Variants in PPEF2 observed in about 807,000 individuals in gnomAD.
PPEF2 encodes serine/threonine-protein phosphatase with EF-hands 2.
In PPEF2, 84 loss-of-function variants were observed where a neutral mutation model predicts 84.7. The ratio of observed to expected loss-of-function variants is 0.99; its 90% CI spans 0.83 to 1.19. The LOEUF (loss-of-function observed/expected upper bound fraction) is 1.19, where lower values mean the gene tolerates loss of function less well. Among genes scored for constraint, PPEF2 ranks in the 50% most tolerant of loss-of-function variants. The probability of loss-of-function intolerance (pLI) is 0.00; values close to 1 mark genes in which losing one functional copy is unlikely to be tolerated. For missense variants in PPEF2, 924 were observed against 937.5 expected (o/e 0.99, Z 0.19); for synonymous variants, 346 against 345.2 (o/e 1.00, Z -0.03).
Position 75,876,380 on chromosome 4 carries a change from C to G in PPEF2, c.1227G>C (p.Val409=). 1 of 1,614,164 alleles carries G rather than the reference C, an allele frequency of 6.2e-7. No individual in the cohort carries two copies. The highest frequency in any genetic ancestry group is 8.5e-7 in the Non-Finnish European group (1 of 1,180,044). Reference sequence around the variant, plus strand: ...GGGAGGGCTCCTCTTTCTCTCCGGTCACCAGGAGGCCTGCTTGCTGCCGGC... The same window carrying G: ...GGGAGGGCTCCTCTTTCTCTCCGGTGACCAGGAGGCCTGCTTGCTGCCGGC... ...ERCRQQAGLL[V]TGEKEEPSRS... is the part of the protein sequence containing the mutation. Residue 409 remains valine (V), a synonymous_variant, in exon 11 of 17, where the codon GTG becomes GTC. Transcript: ENST00000286719.
chr4:75,877,135 C>T lies in PPEF2; in HGVS notation c.934-462G>A, dbSNP rs148528671. 7.4e-3 allele frequency among the ~76,000 whole-genome samples: 1,118 copies of T among 151,810 alleles called. 18 individuals carry two copies. Among genetic ancestry groups the T allele is most frequent in the African/African-American group, 0.025 (1,055 of 41,436 alleles). On this transcript the variant is annotated intron_variant, in intron 10 of 16. Transcript: ENST00000286719. The stretch of plus-strand genomic sequence containing the variant: ...TGATCACCTGCCTGAATTGGGAGTT[C>T]GAGACCAGCCTGACCAACATGGAGA...
chr4:75,868,659 G>A (rs1190524323), intron 13 of PPEF2, among the ~76,000 whole-genome samples: 1 of 151,936 alleles, frequency 6.6e-6, no homozygotes, highest in African/African-American at 2.4e-5. Flanking sequence ...TCATGCCACT[G>A]CACTCCAGCC....
At chr4:75,862,376 C>T (rs1724026951) in intron 16 of PPEF2, among the ~76,000 whole-genome samples, 1 of 149,096 alleles carries the variant, frequency 6.7e-6, no homozygotes, top group Non-Finnish European at 1.5e-5. Flanking sequence ...TCCACAAAAT[C>T]AGAAAAAAAA....
In PPEF2 at chr4:75,896,310, A is replaced by G. The variant is rs904010750; in HGVS notation, c.16T>C (p.Ser6Pro). 1 of 1,614,202 alleles carries G rather than the reference A, an allele frequency of 6.2e-7. No homozygotes were observed. Among genetic ancestry groups the G allele is most frequent in the African/African-American group, 1.3e-5 (1 of 75,046 alleles). MGSGT[S>P]TQHHFAFQNA... is the part of the protein sequence containing the mutation. Reference sequence around the variant, plus strand: ...TGGAAAGCAAAATGATGTTGGGTGGAGGTGCCGCTTCCCATAGTTTAAGCG... The same window carrying G: ...TGGAAAGCAAAATGATGTTGGGTGGGGGTGCCGCTTCCCATAGTTTAAGCG... Residue 6 changes from serine to proline, a missense_variant, in exon 2 of 17, where the codon TCC becomes CCC. Physicochemically the swap from Ser to Pro is moderately conservative, Grantham distance 74. Transcript: ENST00000286719.
Position 75,860,667 on chromosome 4 carries a change from T to A in PPEF2, c.2262A>T (p.Ter754TyrextTer28). The stretch of plus-strand genomic sequence containing the variant: ...TTGGGTGATGAAGACCAGGCTGTTC[T>A]TAGTGTGCACCTGGACTGCTGCAGC... The part of the protein sequence containing the change: ...DSGCSSPGAH[*>Y] The change falls in exon 17 of 17, where the codon TAA becomes TAT. Residue 754 changes from the stop codon to tyrosine, a stop_lost. Coordinates refer to ENST00000286719, the MANE Select transcript of PPEF2 (RefSeq NM_006239.3). 1 of 1,613,912 alleles carries A rather than the reference T, an allele frequency of 6.2e-7. No homozygotes were observed.
intron 15 of PPEF2, among the ~76,000 whole-genome samples, chr4:75,864,779 G>T (rs1157039555): frequency 1.3e-5 from 2 of 152,142 alleles, no homozygotes; most frequent in Non-Finnish European, 2.9e-5. Context: ...TGCCTTGTCT[G>T]AAATGCTTGG....
chr4:75,868,225 A>G (rs1239281958), intron 13 of PPEF2, among the ~76,000 whole-genome samples: 2 of 147,196 alleles, frequency 1.4e-5, no homozygotes, highest in African/African-American at 5.0e-5. Context: ...CTGAGGTGGG[A>G]GGATCACTTG....
chr4:75,892,799 G>C (rs766197570), intron 2 of PPEF2, among the ~76,000 whole-genome samples: 8 of 152,142 alleles, frequency 5.3e-5, no homozygotes, highest in Non-Finnish European at 1.2e-4. Context: ...AAGTATTGTT[G>C]CCAGAGAAGG....
rs768361104 is a variant in PPEF2, at chr4:75,888,344, G to A, written c.418-16C>T. 13 of 1,575,166 alleles carry A rather than the reference G, an allele frequency of 8.3e-6. No homozygotes were observed. Among genetic ancestry groups the A allele is most frequent in the East Asian group, 2.2e-5 (1 of 44,670 alleles). On this transcript the variant is annotated splice_polypyrimidine_tract_variant and intron_variant, in intron 5 of 16. Coordinates refer to ENST00000286719, the MANE Select transcript of PPEF2 (RefSeq NM_006239.3). ...CATGGAGCTGCTACTGGGAGGAAGA[G>A]GAGGGAAGGAAGAAAACAACACTGA...
chr4:75,866,573 A>G (rs1724136818), intron 14 of PPEF2: 4 of 589,882 alleles, frequency 6.8e-6, no homozygotes, highest in South Asian at 1.8e-5. Flanking sequence ...GACAGACAGT[A>G]AAGTATATAA....
intron 13 of PPEF2, among the ~76,000 whole-genome samples, chr4:75,871,442 G>C (rs1211937487): frequency 3.3e-5 from 5 of 151,962 alleles, no homozygotes; most frequent in African/African-American, 1.2e-4. Flanking sequence ...CCAAGACGCA[G>C]CCATGGAGAA....
intron 13 of PPEF2, among the ~76,000 whole-genome samples, chr4:75,870,336 C>A (rs1257818288): frequency 1.3e-5 from 2 of 152,168 alleles, no homozygotes; most frequent in Non-Finnish European, 2.9e-5. Context: ...GTAGGTCTGA[C>A]ATTCACTTGG....
At chr4:75,896,623 T>C (rs1213982708) in intron 1 of PPEF2, among the ~76,000 whole-genome samples, 1 of 152,202 alleles carries the variant, frequency 6.6e-6, no homozygotes, top group Non-Finnish European at 1.5e-5. Context: ...TTTTGCATTC[T>C]CAAAGCAATT....
At chr4:75,873,793 A>T (rs1724342606) in intron 11 of PPEF2, among the ~76,000 whole-genome samples, 1 of 151,720 alleles carries the variant, frequency 6.6e-6, no homozygotes, top group African/African-American at 2.4e-5. Context: ...GTAGTTTAAG[A>T]ATTTTTTTTT....
chr4:75,872,186 G>C lies in PPEF2; in HGVS notation c.1507-19C>G, dbSNP rs373861132. On this transcript the variant is annotated intron_variant, in intron 12 of 16. Transcript: ENST00000286719. ...TTAATACCTACATCAAAACAGAAGA[G>C]AGACAGGTGTTCACATTCACTGAAG... The C allele has an allele frequency of 6.2e-6, 10 of 1,608,864 alleles. No individual in the cohort carries two copies. The highest frequency in any genetic ancestry group is 8.5e-7 in the Non-Finnish European group (1 of 1,177,724).
At chr4:75,899,274 G>A (rs1006704604) in intron 1 of PPEF2, among the ~76,000 whole-genome samples, 1 of 152,122 alleles carries the variant, frequency 6.6e-6, no homozygotes, top group African/African-American at 2.4e-5. Flanking sequence ...GGGCATACAG[G>A]TTGATTCTAT....
chr4:75,876,702 G>A, intron 10 of PPEF2, 29 bp from the exon 11 acceptor site: 1 of 1,511,146 alleles, frequency 6.6e-7, no homozygotes, highest in East Asian at 2.3e-5. Flanking sequence ...AGATACAGAT[G>A]CTGGAATGAA....
intron 13 of PPEF2, among the ~76,000 whole-genome samples, chr4:75,869,056 A>G (rs564977623): frequency 6.6e-5 from 10 of 152,254 alleles, no homozygotes; most frequent in African/African-American, 2.2e-4. Flanking sequence ...ACTCACCCCA[A>G]ATTTCACAGG....
chr4:75,877,041 A>AGAAAGAAAGAAAGAAAGAAAGAAAGAAC (rs71210219), intron 10 of PPEF2, among the ~76,000 whole-genome samples: 1 of 149,144 alleles, frequency 6.7e-6, no homozygotes, highest in Admixed American at 6.6e-5. Flanking sequence ...AAAGAAAGAA[A>AGAAAGAAAGAAAGAAAGAAAGAAAGAAC]AGAAACAGAG....
Sources: allele counts gnomAD v4.1 joint callset (sites outside exome capture counted in the v4.1 genomes callset), GRCh38; gene constraint gnomAD v4.1.1; transcripts MANE v1.5; gene names NCBI Gene and HGNC (gene_info 2026-07-23, HGNC 2026-07-21).